The following PDE7B variants were observed in gnomAD, a reference collection of about 807,000 sequenced individuals.
The protein encoded by PDE7B is 3',5'-cyclic-AMP phosphodiesterase 7B.
A neutral mutation model predicts 56.2 loss-of-function variants in PDE7B; 29 were observed. The ratio of observed to expected loss-of-function variants is 0.52; its 90% CI spans 0.38 to 0.70. PDE7B has a LOEUF of 0.70. Among genes scored for constraint, PDE7B ranks in the 30% least tolerant of loss-of-function variants. The pLI is 0.00. For missense variants in PDE7B, 490 were observed against 565.0 expected, an observed-to-expected ratio of 0.87 and a Z score of 1.35; for synonymous variants, 197 against 196.9, an observed-to-expected ratio of 1.00 and a Z score of 0.00.
At chr6:136,011,421 ATC>A (rs1328535140) in intron 2 of PDE7B, among the ~76,000 whole-genome samples, 12 of 152,194 alleles carry the variant, frequency 7.9e-5, no homozygotes, top group Non-Finnish European at 1.5e-4. Context: ...ACATTATAGA[ATC>A]TATTGGATCA....
chr6:135,977,383 T>G lies in PDE7B; in HGVS notation c.82+29859T>G, dbSNP rs181101565. Among the ~76,000 whole-genome samples the G allele has an allele frequency of 2.6e-4, 40 of 152,226 alleles. No individual in the cohort carries two copies. In the Middle Eastern group the frequency reaches 0.01, roughly 39 times the overall value. ...ATTTTGCCATCAGCTTGGATTCAGATTCGGTCCCAGCTCCACCCATGAAAC... is the reference window on the plus strand; with the variant it reads ...ATTTTGCCATCAGCTTGGATTCAGAGTCGGTCCCAGCTCCACCCATGAAAC... On this transcript the variant is annotated intron_variant, in intron 2 of 12. Coordinates refer to ENST00000308191, the MANE Select transcript of PDE7B (RefSeq NM_018945.4).
chr6:136,084,681 G>A (rs1027806817), intron 2 of PDE7B, among the ~76,000 whole-genome samples: 1 of 152,120 alleles, frequency 6.6e-6, no homozygotes, highest in African/African-American at 2.4e-5. Context: ...GGTGTAAAAG[G>A]CAAATTGCCA....
chr6:136,132,749 G>C (rs1778139971), intron 3 of PDE7B, among the ~76,000 whole-genome samples: 1 of 152,174 alleles, frequency 6.6e-6, no homozygotes, highest in African/African-American at 2.4e-5. Context: ...ATTCAGACAT[G>C]CAGGTGGACA....
At chr6:135,960,385 T>C (rs1774879123) in intron 2 of PDE7B, among the ~76,000 whole-genome samples, 1 of 152,220 alleles carries the variant, frequency 6.6e-6, no homozygotes, top group Non-Finnish European at 1.5e-5. Flanking sequence ...GTTTCAAATG[T>C]TAGCATCTTT....
At chr6:135,960,143 T>A (rs1774873442) in intron 2 of PDE7B, among the ~76,000 whole-genome samples, 1 of 152,136 alleles carries the variant, frequency 6.6e-6, no homozygotes, top group Non-Finnish European at 1.5e-5. Context: ...GATGATAACT[T>A]CTTCTCCCAG....
At chr6:135,902,620 A>G (rs1437815737) in intron 1 of PDE7B, among the ~76,000 whole-genome samples, 1 of 152,128 alleles carries the variant, frequency 6.6e-6, no homozygotes, top group Non-Finnish European at 1.5e-5. Flanking sequence ...GGAAAAATAT[A>G]TCTACTTTTT....
chr6:136,154,495 G>C (rs1183382870), intron 7 of PDE7B, among the ~76,000 whole-genome samples: 2 of 151,316 alleles, frequency 1.3e-5, no homozygotes, highest in Non-Finnish European at 2.9e-5. Context: ...CTAGCTCCGT[G>C]CCTTAGATCT....
chr6:136,013,632 C>G (rs374430934), intron 2 of PDE7B, among the ~76,000 whole-genome samples: 42 of 152,252 alleles, frequency 2.8e-4, no homozygotes, highest in African/African-American at 9.4e-4. Context: ...ACCTAAGATA[C>G]GTGTAGGAAT....
chr6:135,917,025 G>A (rs903027637), intron 1 of PDE7B, among the ~76,000 whole-genome samples: 1 of 152,128 alleles, frequency 6.6e-6, no homozygotes, highest in Non-Finnish European at 1.5e-5. Flanking sequence ...ACCCAAGGTT[G>A]CAAAGATAAT....
At chr6:136,069,980 T>G (rs1777018558) in intron 2 of PDE7B, among the ~76,000 whole-genome samples, 1 of 152,078 alleles carries the variant, frequency 6.6e-6, no homozygotes, top group Non-Finnish European at 1.5e-5. Flanking sequence ...CCCAAAACTT[T>G]AAGTATATTA....
At chr6:136,149,454 GA>G (rs1214463415) in intron 5 of PDE7B, among the ~76,000 whole-genome samples, 1 of 152,156 alleles carries the variant, frequency 6.6e-6, no homozygotes, top group Non-Finnish European at 1.5e-5. Flanking sequence ...CAGAAGTAAG[GA>G]GTTCATTGTT....
intron 2 of PDE7B, among the ~76,000 whole-genome samples, chr6:135,987,380 A>G (rs1237559936): frequency 6.6e-6 from 1 of 152,122 alleles, no homozygotes; most frequent in Non-Finnish European, 1.5e-5. Flanking sequence ...GCTCCCAAGT[A>G]TCTGACTTGG....
chr6:136,150,981 A>G (rs1778502810), intron 5 of PDE7B, among the ~76,000 whole-genome samples, 179 bp from the exon 6 acceptor site: 2 of 151,884 alleles, frequency 1.3e-5, no homozygotes, highest in Admixed American at 1.3e-4. Flanking sequence ...GTACAATAAG[A>G]AAAAACCTAG....
chr6:135,958,120 T>A (rs1774831307), intron 2 of PDE7B, among the ~76,000 whole-genome samples: 1 of 152,064 alleles, frequency 6.6e-6, no homozygotes, highest in Non-Finnish European at 1.5e-5. Context: ...TAATCCCAGC[T>A]ACTCAGGAGG....
At chr6:135,876,222 C>T (rs1775489381) in intron 1 of PDE7B, among the ~76,000 whole-genome samples, 1 of 152,112 alleles carries the variant, frequency 6.6e-6, no homozygotes, top group African/African-American at 2.4e-5. Flanking sequence ...CTGTAGTACC[C>T]CACCATGCCT....
intron 2 of PDE7B, among the ~76,000 whole-genome samples, chr6:136,005,661 T>A (rs1399465888): frequency 2.0e-5 from 3 of 152,166 alleles, no homozygotes; most frequent in Non-Finnish European, 4.4e-5. Context: ...TGAGATACTG[T>A]CTCACACCAG....
intron 2 of PDE7B, among the ~76,000 whole-genome samples, chr6:136,022,685 C>T (rs1452189923): frequency 6.6e-6 from 1 of 152,212 alleles, no homozygotes; most frequent in Non-Finnish European, 1.5e-5. Flanking sequence ...CAGTGATACT[C>T]ACTGTGCAAG....
At chr6:135,999,918 A>G (rs1775635320) in intron 2 of PDE7B, among the ~76,000 whole-genome samples, 1 of 152,164 alleles carries the variant, frequency 6.6e-6, no homozygotes, top group Non-Finnish European at 1.5e-5. Context: ...CAACCTCACC[A>G]GCATATGTTA....
At chr6:136,172,534 G>A (rs2128450050) in intron 8 of PDE7B, among the ~76,000 whole-genome samples, 1 of 152,156 alleles carries the variant, frequency 6.6e-6, no homozygotes, top group African/African-American at 2.4e-5. Flanking sequence ...CTGGATATTA[G>A]CCCTTTGTCA....
Sources: gnomAD v4.1 joint callset for allele counts (sites outside exome capture counted in the v4.1 genomes callset) on GRCh38, gnomAD v4.1.1 for gene constraint, MANE v1.5 for transcripts, NCBI Gene and HGNC (gene_info 2026-07-23, HGNC 2026-07-21) for gene names.